PTPRT: variants seen among roughly 807,000 people sequenced by gnomAD.
The protein encoded by PTPRT is protein tyrosine phosphatase receptor type T.
PTPRT carries 56 observed loss-of-function variants against 176.8 expected under a neutral mutation model. The observed-to-expected ratio is 0.32, with a 90% CI of 0.26 to 0.40. The LOEUF (loss-of-function observed/expected upper bound fraction) is 0.40. PTPRT is among the 10% of genes least tolerant of loss of function. The pLI is 1.00. For missense variants in PTPRT, 1,540 were observed against 1,908.2 expected (o/e 0.81, Z 3.60); for synonymous variants, 783 against 739.0 (o/e 1.06, Z -0.96).
chr20:43,141,312 T>A (rs923564503), intron 1 of PTPRT, among the ~76,000 whole-genome samples: 1 of 152,190 alleles, frequency 6.6e-6, no homozygotes, highest in Admixed American at 6.5e-5. Flanking sequence ...CTTCTGCTGG[T>A]CGTGGCGAGG....
intron 1 of PTPRT, among the ~76,000 whole-genome samples, chr20:42,963,085 A>G (rs1392560117): frequency 2.0e-5 from 3 of 152,210 alleles, no homozygotes; most frequent in Admixed American, 6.5e-5. Context: ...CTGTAGTTCC[A>G]GCTACTCGGG....
chr20:42,124,652 G>C (rs1002520229), intron 19 of PTPRT, among the ~76,000 whole-genome samples: 8 of 152,224 alleles, frequency 5.3e-5, no homozygotes, highest in Non-Finnish European at 1.0e-4. Flanking sequence ...TTGTGGCTGC[G>C]TTGGAGACCA....
intron 7 of PTPRT, among the ~76,000 whole-genome samples, chr20:42,565,607 G>C (rs1176888556): frequency 6.6e-6 from 1 of 152,080 alleles, no homozygotes; most frequent in African/African-American, 2.4e-5. Flanking sequence ...TTGGGGAAAA[G>C]CCTAACTTTT....
In PTPRT at chr20:42,982,816, G is replaced by A. The variant is rs191171957; in HGVS notation, c.89-96884C>T. 3.6e-3 allele frequency among the ~76,000 whole-genome samples: 541 copies of A among 152,308 alleles called. 2 individuals are homozygous for A. Among genetic ancestry groups the A allele is most frequent in the African/African-American group, 0.012 (503 of 41,564 alleles). On this transcript the variant is annotated intron_variant, in intron 1 of 30. Coordinates refer to ENST00000373187, the MANE Select transcript of PTPRT (RefSeq NM_007050.6). ...GGTGCCATTGCTGCTCTTATGACAC[G>A]GAGAGCAGAGGTTGAGGATCTGATG... is the stretch of plus-strand genomic sequence containing the variant.
At chr20:43,098,323 C>A (rs1200356733) in intron 1 of PTPRT, among the ~76,000 whole-genome samples, 1 of 152,190 alleles carries the variant, frequency 6.6e-6, no homozygotes, top group Non-Finnish European at 1.5e-5. Context: ...AGCTGAAAGA[C>A]CTTGGCCATG....
intron 1 of PTPRT, among the ~76,000 whole-genome samples, chr20:43,158,269 T>G (rs1038512215): frequency 2.0e-5 from 3 of 152,172 alleles, no homozygotes; most frequent in African/African-American, 7.2e-5. Context: ...CGTGTGCAGT[T>G]GCCATTGACT....
intron 6 of PTPRT, among the ~76,000 whole-genome samples, chr20:42,743,745 A>T (rs2076647696): frequency 6.6e-6 from 1 of 152,234 alleles, no homozygotes; most frequent in Non-Finnish European, 1.5e-5. Flanking sequence ...TTTAAAAACA[A>T]TACAACGTGA....
At chr20:42,040,512 C>T in the PTPRT span, among the ~76,000 whole-genome samples, 1 of 151,796 alleles carries the variant, frequency 6.6e-6, no homozygotes, top group African/African-American at 2.4e-5. Context: ...AAAGGTGCTC[C>T]TAGGAAGGCC....
intron 15 of PTPRT, among the ~76,000 whole-genome samples, chr20:42,199,933 A>G (rs892466835): frequency 1.8e-4 from 28 of 152,286 alleles, no homozygotes; most frequent in African/African-American, 6.7e-4. Context: ...CCTTATTCCC[A>G]TGGGAATAAA....
chr20:42,650,308 T>C (rs1489298894), intron 7 of PTPRT, among the ~76,000 whole-genome samples: 1 of 152,152 alleles, frequency 6.6e-6, no homozygotes. Context: ...TCTGCACCAC[T>C]GAGGTTTCTG....
chr20:43,061,614 T>C (rs1987464984), intron 1 of PTPRT, among the ~76,000 whole-genome samples: 2 of 152,242 alleles, frequency 1.3e-5, no homozygotes, highest in African/African-American at 4.8e-5. Context: ...TGCATAGTAA[T>C]TGCCAATATC....
At chr20:42,943,331 G>A (rs1980682323) in intron 1 of PTPRT, among the ~76,000 whole-genome samples, 1 of 152,214 alleles carries the variant, frequency 6.6e-6, no homozygotes, top group African/African-American at 2.4e-5. Flanking sequence ...CCGCTCTAAA[G>A]CCAACCATTT....
intron 1 of PTPRT, among the ~76,000 whole-genome samples, chr20:43,051,109 G>T (rs962100704): frequency 1.3e-5 from 2 of 152,212 alleles, no homozygotes; most frequent in Non-Finnish European, 2.9e-5. Context: ...ATATGGAGAG[G>T]TGGAGAGAGG....
chr20:42,758,951 C>T (rs893212524), intron 5 of PTPRT, among the ~76,000 whole-genome samples: 13 of 152,248 alleles, frequency 8.5e-5, no homozygotes, highest in African/African-American at 2.9e-4. Flanking sequence ...GATGGCACAA[C>T]TTGGACCCCA....
intron 5 of PTPRT, among the ~76,000 whole-genome samples, chr20:42,759,731 C>T (rs576005968): frequency 1.0e-3 from 157 of 152,236 alleles, no homozygotes; most frequent in Non-Finnish European, 2.0e-3. Context: ...TATATCCTTC[C>T]TCTGAACTTT....
chr20:42,998,034 A>G (rs1984325112), intron 1 of PTPRT, among the ~76,000 whole-genome samples: 1 of 152,194 alleles, frequency 6.6e-6, no homozygotes, highest in Non-Finnish European at 1.5e-5. Context: ...GGATGAGGGA[A>G]CATTGGCTAA....
At position 42,705,003 on chromosome 20, in the gene PTPRT, C is replaced by T. The variant is rs535723459; in HGVS notation, c.860-26844G>A. Among the ~76,000 whole-genome samples the T allele has an allele frequency of 7.9e-5, 12 of 152,070 alleles. No individual in the cohort carries two copies. In the East Asian group the frequency reaches 1.7e-3, roughly 22 times the overall value. On this transcript the variant is annotated intron_variant, in intron 6 of 30. Coordinates refer to ENST00000373187, the MANE Select transcript of PTPRT (RefSeq NM_007050.6). ...GGCAGATCACCTGAGGTCGGAAGTT[C>T]GAGACCAGCCTGACCAACATGGAGA...
intron 1 of PTPRT, among the ~76,000 whole-genome samples, chr20:43,077,200 C>T (rs1304245036): frequency 6.6e-6 from 1 of 152,148 alleles, no homozygotes; most frequent in Non-Finnish European, 1.5e-5. Context: ...AATCATGACA[C>T]CCAACACTAC....
chr20:42,442,999 C>T (rs928125746), intron 9 of PTPRT, among the ~76,000 whole-genome samples: 42 of 152,256 alleles, frequency 2.8e-4, no homozygotes, highest in African/African-American at 9.4e-4. Context: ...ATTAGGGAAC[C>T]CTGATGCCTT....
Sources: allele counts gnomAD v4.1 joint callset (sites outside exome capture counted in the v4.1 genomes callset), GRCh38; gene constraint gnomAD v4.1.1; transcripts MANE v1.5; gene names NCBI Gene and HGNC (gene_info 2026-07-23, HGNC 2026-07-21).